DLG1: variants seen among roughly 807,000 people sequenced by gnomAD.
DLG1 encodes disks large homolog 1.
DLG1 carries 42 observed loss-of-function variants against 123.4 expected under a neutral mutation model. That is an observed-to-expected ratio of 0.34 (90% CI 0.27 to 0.44). The LOEUF (loss-of-function observed/expected upper bound fraction) is 0.44. Ranked by LOEUF, DLG1 falls within the 20% of genes least tolerant of loss-of-function variation. The pLI, the probability that DLG1 is intolerant of heterozygous loss-of-function variation, is 1.00. For missense variants in DLG1, 942 were observed against 1,082.6 expected (o/e 0.87, Z 1.82); for synonymous variants, 317 against 356.2 (o/e 0.89, Z 1.24).
chr3:197,164,347 A>G (rs1346568253), intron 5 of DLG1, among the ~76,000 whole-genome samples: 1 of 152,022 alleles, frequency 6.6e-6, no homozygotes, highest in South Asian at 2.1e-4. Context: ...CGGTGAGCCT[A>G]GATTGCGCCA....
chr3:197,249,507 A>G (rs1753342431), intron 4 of DLG1, among the ~76,000 whole-genome samples: 1 of 152,106 alleles, frequency 6.6e-6, no homozygotes, highest in Non-Finnish European at 1.5e-5. Flanking sequence ...AATAAATTCT[A>G]CCAGTTCTAC....
rs149115685 is a variant in DLG1 at position 197,150,820 on chromosome 3, T to A, written c.484-1024A>T. 9.7e-3 allele frequency among the ~76,000 whole-genome samples: 1,480 copies of A among 152,188 alleles called. 17 individuals carry two copies. The highest frequency in any genetic ancestry group is 0.023 in the African/African-American group (961 of 41,560). On this transcript the variant is annotated intron_variant, in intron 5 of 24. Transcript: ENST00000667157. ...AGCACAGTACCACAGCTAAATGATA[T>A]GACAAAATGCTTAAAGACAACCTAG...
At position 197,043,688 on chromosome 3, in the gene DLG1, A is replaced by T. The variant is rs1456140482; in HGVS notation, c.*935T>A. 1 of 151,614 alleles carries T rather than the reference A, an allele frequency of 6.6e-6. No homozygotes were observed. Among genetic ancestry groups the T allele is most frequent in the African/African-American group, 2.4e-5 (1 of 41,362 alleles). The allele number at this position is 151,614 out of a possible 1,614,324, so 9.4% of individuals were successfully genotyped here. On this transcript the variant is annotated 3_prime_UTR_variant, in exon 25 of 25. Transcript: ENST00000667157. The stretch of plus-strand genomic sequence containing the variant: ...TATATATATTTTATTATAACAAAAT[A>T]GGCAGCTATTGTGGGTAAAATATTC...
At chr3:197,170,101 T>C (rs1276634268) in intron 5 of DLG1, among the ~76,000 whole-genome samples, 2 of 152,236 alleles carry the variant, frequency 1.3e-5, no homozygotes, top group Non-Finnish European at 2.9e-5. Context: ...TCATTCATTT[T>C]TATTGTTGCA....
chr3:197,084,676 A>G (rs925855428), intron 16 of DLG1, among the ~76,000 whole-genome samples: 1 of 152,080 alleles, frequency 6.6e-6, no homozygotes, highest in African/African-American at 2.4e-5. Context: ...GTGAAACACA[A>G]TATAAAAAAC....
intron 4 of DLG1, among the ~76,000 whole-genome samples, chr3:197,263,513 A>G (rs866631241): frequency 2.0e-5 from 3 of 152,206 alleles, no homozygotes; most frequent in Non-Finnish European, 2.9e-5. Context: ...GAGGCTGGGC[A>G]TGGTAGCTCA....
chr3:197,286,109 G>C (rs2151186737), intron 3 of DLG1, among the ~76,000 whole-genome samples: 1 of 152,274 alleles, frequency 6.6e-6, no homozygotes, highest in Non-Finnish European at 1.5e-5. Context: ...ACTGAAAAAA[G>C]CCAATCTAAA....
intron 5 of DLG1, among the ~76,000 whole-genome samples, chr3:197,179,524 G>A (rs918069024): frequency 2.0e-5 from 3 of 152,162 alleles, no homozygotes; most frequent in African/African-American, 7.2e-5. Flanking sequence ...ATGTTTGAAT[G>A]TACTGCGCTA....
At chr3:197,141,671 C>A (rs1788077823) in intron 7 of DLG1, among the ~76,000 whole-genome samples, 1 of 152,122 alleles carries the variant, frequency 6.6e-6, no homozygotes, top group South Asian at 2.1e-4. Flanking sequence ...AAAATGCTAG[C>A]CAGATAAGGT....
chr3:197,161,987 A>G (rs189846162), intron 5 of DLG1, among the ~76,000 whole-genome samples: 66 of 152,308 alleles, frequency 4.3e-4, no homozygotes, highest in African/African-American at 1.6e-3. Flanking sequence ...TGCTTAAATC[A>G]TAATAATAAA....
At chr3:197,250,193 T>C (rs1344590606) in intron 4 of DLG1, among the ~76,000 whole-genome samples, 2 of 152,190 alleles carry the variant, frequency 1.3e-5, no homozygotes, top group African/African-American at 4.8e-5. Context: ...AACTGATACA[T>C]ATGCTTAGTA....
intron 4 of DLG1, among the ~76,000 whole-genome samples, chr3:197,222,912 C>CA (rs1324988273): frequency 6.6e-6 from 1 of 152,042 alleles, no homozygotes; most frequent in African/African-American, 2.4e-5. Flanking sequence ...CTTGATACTA[C>CA]AAAAAAACAA....
At chr3:197,092,153 T>C (rs11706316) in intron 14 of DLG1, among the ~76,000 whole-genome samples, 44,370 of 152,070 alleles carry the variant, frequency 0.29, 6,968 homozygotes, top group Middle Eastern at 0.38. Flanking sequence ...GTCTTTGGTA[T>C]GTGTAGAAAC....
chr3:197,199,214 T>G (rs1332616412), intron 4 of DLG1, among the ~76,000 whole-genome samples: 2 of 152,200 alleles, frequency 1.3e-5, no homozygotes, highest in African/African-American at 4.8e-5. Flanking sequence ...CTTGTACCTT[T>G]AAGAAAACCT....
chr3:197,108,111 A>C (rs1767650452), intron 13 of DLG1, among the ~76,000 whole-genome samples: 1 of 152,086 alleles, frequency 6.6e-6, no homozygotes, highest in South Asian at 2.1e-4. Context: ...TCTTACTTTG[A>C]TTGGTTTTTC....
At chr3:197,138,427 A>T in intron 8 of DLG1, 36 bp from the exon 9 acceptor site, 1 of 1,111,340 alleles carries the variant, frequency 9.0e-7, no homozygotes, top group Non-Finnish European at 1.2e-6. Flanking sequence ...ATAAAAATTA[A>T]ATATAATTTA....
In DLG1 at chr3:197,058,629, G is replaced by A. The variant is rs28649653; in HGVS notation, c.2483+1260C>T. Among the ~76,000 whole-genome samples, 1,511 of 152,272 alleles carry A rather than the reference G, an allele frequency of 9.9e-3. 9 individuals are homozygous for A. Among genetic ancestry groups the A allele is most frequent in the Middle Eastern group, 0.027 (8 of 294 alleles). ...AAATTTGTAATCTAGCAAATGATCAGTTTTAGTAACTGTTTCATGTACACT... is the reference window on the plus strand; with the variant it reads ...AAATTTGTAATCTAGCAAATGATCAATTTTAGTAACTGTTTCATGTACACT... On this transcript the variant is annotated intron_variant, in intron 23 of 24. Coordinates refer to ENST00000667157, the MANE Select transcript of DLG1 (RefSeq NM_001366207.1).
At chr3:197,115,326 A>G (rs906936540) in intron 13 of DLG1, among the ~76,000 whole-genome samples, 21 of 152,166 alleles carry the variant, frequency 1.4e-4, no homozygotes, top group African/African-American at 5.1e-4. Flanking sequence ...ATAAGCACAC[A>G]AATTGAAAGT....
At chr3:197,290,774 T>TG (rs1232386680) in intron 3 of DLG1, among the ~76,000 whole-genome samples, 1 of 151,820 alleles carries the variant, frequency 6.6e-6, no homozygotes, top group Non-Finnish European at 1.5e-5. Flanking sequence ...GGCTCACACC[T>TG]GTAGTCCCAG....
Sources: allele counts gnomAD v4.1 joint callset (sites outside exome capture counted in the v4.1 genomes callset), GRCh38; gene constraint gnomAD v4.1.1; transcripts MANE v1.5; gene names NCBI Gene and HGNC (gene_info 2026-07-23, HGNC 2026-07-21).